The following PSIP1 variants were observed in gnomAD, a reference collection of about 807,000 sequenced individuals.
The protein encoded by PSIP1 is PC4 and SRSF1 interacting protein 1.
A neutral mutation model predicts 74.7 loss-of-function variants in PSIP1; 19 were observed. That is an observed-to-expected ratio of 0.25 (90% CI 0.18 to 0.37). The LOEUF (loss-of-function observed/expected upper bound fraction) is 0.37, where lower values mean the gene tolerates loss of function less well. PSIP1 is among the 10% of genes least tolerant of loss of function. The pLI, the probability that PSIP1 is intolerant of heterozygous loss-of-function variation, is 1.00. For synonymous variants in PSIP1, 222 were observed against 195.3 expected (o/e 1.14, Z -1.14); for missense variants, 601 against 614.3 (o/e 0.98, Z 0.23).
At chr9:15,472,855 G>T (rs896278241) in intron 9 of PSIP1, 105 bp from the exon 10 acceptor site, 11 of 1,058,604 alleles carry the variant, frequency 1.0e-5, no homozygotes, top group Non-Finnish European at 1.2e-5. Context: ...TTAAAAAAGG[G>T]ATGAATACTC....
At chr9:15,483,988 C>A (rs753433107) in intron 6 of PSIP1, among the ~76,000 whole-genome samples, 1 of 151,298 alleles carries the variant, frequency 6.6e-6, no homozygotes, top group Non-Finnish European at 1.5e-5. Flanking sequence ...ATTAGCCAGG[C>A]GTGGTGGTGC....
At chr9:15,485,524 G>C (rs1295434716) in intron 6 of PSIP1, among the ~76,000 whole-genome samples, 2 of 152,108 alleles carry the variant, frequency 1.3e-5, no homozygotes, top group Admixed American at 6.6e-5. Context: ...TTCGTATATG[G>C]AAGGAAAATT....
chr9:15,510,318 C>CT lies in PSIP1; in HGVS notation c.-131_-130insA. 1 of 607,990 alleles carries CT rather than the reference C, an allele frequency of 1.6e-6. No homozygotes were observed. The highest frequency in any genetic ancestry group is 2.6e-6 in the Non-Finnish European group (1 of 379,484). The allele number at this position is 607,990 out of a possible 1,614,324, so 37.7% of individuals were successfully genotyped here. A position where few individuals can be genotyped will look rare whatever the true frequency, so the allele number is the denominator to read the frequency against. On this transcript the variant is annotated 5_prime_UTR_variant, in exon 2 of 16. Coordinates refer to ENST00000380733, the MANE Select transcript of PSIP1 (RefSeq NM_033222.5). ...GCGGGGGAGGATGCCTCGGGGCGTC[C>CT]CGACGCGCCTGCTAGGGAGAGCACC...
chr9:15,488,450 C>T (rs1207028960), intron 4 of PSIP1, among the ~76,000 whole-genome samples: 3 of 152,110 alleles, frequency 2.0e-5, no homozygotes, highest in East Asian at 3.9e-4. Context: ...AAACAGAGGA[C>T]GTTTATTGAT....
chr9:15,473,366 A>C (rs2035926545), intron 9 of PSIP1, among the ~76,000 whole-genome samples: 1 of 152,208 alleles, frequency 6.6e-6, no homozygotes, highest in Non-Finnish European at 1.5e-5. Context: ...TTCACTGGCC[A>C]CAGCCTATTT....
intron 6 of PSIP1, among the ~76,000 whole-genome samples, chr9:15,479,901 T>A (rs1215493225): frequency 1.3e-5 from 2 of 152,152 alleles, no homozygotes; most frequent in African/African-American, 4.8e-5. Context: ...AAACAAAAAA[T>A]TTCTTAGAAA....
At chr9:15,485,950 C>T (rs897104692) in intron 6 of PSIP1, 56 bp downstream of exon 6, 6 of 1,443,582 alleles carry the variant, frequency 4.2e-6, no homozygotes, top group African/African-American at 1.4e-5. Flanking sequence ...TCCCTCAACC[C>T]AATTAAAATA....
chr9:15,491,488 G>A (rs1007290525), intron 3 of PSIP1, among the ~76,000 whole-genome samples: 1 of 152,144 alleles, frequency 6.6e-6, no homozygotes, highest in Non-Finnish European at 1.5e-5. Context: ...AAATAATTTT[G>A]GTGAGTAGGT....
intron 3 of PSIP1, among the ~76,000 whole-genome samples, chr9:15,494,243 A>G (rs577942482): frequency 1.3e-5 from 2 of 152,190 alleles, no homozygotes; most frequent in African/African-American, 4.8e-5. Flanking sequence ...AGGCTCTAAA[A>G]TAAAATTTCA....
At chr9:15,495,746 T>A (rs1172528205) in intron 3 of PSIP1, among the ~76,000 whole-genome samples, 1 of 152,208 alleles carries the variant, frequency 6.6e-6, no homozygotes, top group Non-Finnish European at 1.5e-5. Context: ...ATGTTTTTTG[T>A]TGGTATCACT....
At chr9:15,473,776 C>G (rs2035943964) in intron 9 of PSIP1, among the ~76,000 whole-genome samples, 1 of 151,950 alleles carries the variant, frequency 6.6e-6, no homozygotes, top group African/African-American at 2.4e-5. Context: ...TGGCACATGC[C>G]TGTACTTCCA....
chr9:15,471,577 T>A lies in PSIP1; in HGVS notation c.977+1055A>T, dbSNP rs189246117. On this transcript the variant is annotated intron_variant, in intron 10 of 15. Coordinates refer to ENST00000380733, the MANE Select transcript of PSIP1 (RefSeq NM_033222.5). ...ATAGAAAATGATAGGTGACAAAGAA[T>A]AACTTAAATATTTACAGAAGTGCTT... 2.5e-4 allele frequency: 235 copies of A among 955,552 alleles called. 1 individual carries two copies. In the African/African-American group the frequency reaches 3.8e-3, roughly 16 times the overall value. The allele number at this position is 955,552 out of a possible 1,614,324, so 59.2% of individuals were successfully genotyped here. A position where few individuals can be genotyped will look rare whatever the true frequency, so the allele number is the denominator to read the frequency against.
intron 4 of PSIP1, chr9:15,489,562 T>A (rs187372585): frequency 1.4e-5 from 2 of 140,386 alleles, no homozygotes; most frequent in Non-Finnish European, 3.0e-5. Flanking sequence ...GAGCCAAGAT[T>A]GCACCATTGC....
chr9:15,499,713 A>G (rs1281791046), intron 3 of PSIP1, among the ~76,000 whole-genome samples: 1 of 152,112 alleles, frequency 6.6e-6, no homozygotes, highest in Non-Finnish European at 1.5e-5. Flanking sequence ...ATTTCTACTG[A>G]AAGTACAAAA....
intron 2 of PSIP1, 22 bp from the exon 3 acceptor site, chr9:15,506,659 T>C (rs1425660929): frequency 6.6e-7 from 1 of 1,514,124 alleles, no homozygotes; most frequent in Non-Finnish European, 9.2e-7. Flanking sequence ...GTGAGAAAAA[T>C]TAAAATATTT....
At chr9:15,485,459 G>A (rs970116534) in intron 6 of PSIP1, among the ~76,000 whole-genome samples, 2 of 152,004 alleles carry the variant, frequency 1.3e-5, no homozygotes, top group Admixed American at 6.6e-5. Flanking sequence ...TTGCATCTTT[G>A]GTATATGATA....
intron 7 of PSIP1, among the ~76,000 whole-genome samples, chr9:15,478,794 G>A (rs2036210374): frequency 6.6e-6 from 1 of 151,972 alleles, no homozygotes; most frequent in Non-Finnish European, 1.5e-5. Context: ...GACTGAGAGG[G>A]CTTAAAACAT....
rs371374271 is a variant in PSIP1 at position 15,472,800 on chromosome 9, G to A, written c.859-50C>T. The A allele has an allele frequency of 2.3e-5, 34 of 1,476,750 alleles. 2 individuals carry two copies. The South Asian group carries it at 4.0e-4, about 17-fold the overall frequency. The allele number at this position is 1,476,750 out of a possible 1,614,324, so 91.5% of individuals were successfully genotyped here. ...TATTTAACTATAAAGTCAGTGACTA[G>A]TGCTTATGGAATTATAATCTTGGGG... On this transcript the variant is annotated intron_variant, in intron 9 of 15. Coordinates refer to ENST00000380733, the MANE Select transcript of PSIP1 (RefSeq NM_033222.5).
chr9:15,506,856 G>C (rs1352242054), intron 2 of PSIP1, among the ~76,000 whole-genome samples: 2 of 152,154 alleles, frequency 1.3e-5, no homozygotes, highest in Non-Finnish European at 2.9e-5. Flanking sequence ...CTGACATTGA[G>C]GGTATCAGTC....
Sources: allele counts gnomAD v4.1 joint callset (sites outside exome capture counted in the v4.1 genomes callset), GRCh38; gene constraint gnomAD v4.1.1; transcripts MANE v1.5; gene names NCBI Gene and HGNC (gene_info 2026-07-23, HGNC 2026-07-21).